The following SENP6 variants were observed in gnomAD, a reference collection of about 807,000 sequenced individuals.
SENP6 encodes the protein sentrin-specific protease 6.
SENP6 carries 41 observed loss-of-function variants against 134.5 expected under a neutral mutation model. The ratio of observed to expected loss-of-function variants is 0.30; its 90% CI spans 0.24 to 0.40. The LOEUF is 0.40. Among genes scored for constraint, SENP6 ranks in the 10% least tolerant of loss-of-function variants. The probability of loss-of-function intolerance (pLI) is 1.00; values close to 1 mark genes in which losing one functional copy is unlikely to be tolerated. For synonymous variants in SENP6, 395 were observed against 429.8 expected (o/e 0.92, Z 1.00); for missense variants, 1,248 against 1,312.5 (o/e 0.95, Z 0.76).
At chr6:75,675,397 G>T in intron 11 of SENP6, 38 bp from the exon 12 acceptor site, 2 of 1,190,350 alleles carry the variant, frequency 1.7e-6, no homozygotes, top group Non-Finnish European at 2.4e-6. Flanking sequence ...GCCTTTCTTT[G>T]TAAGTCTAGA....
chr6:75,651,283 C>A (rs1454330788), intron 7 of SENP6, among the ~76,000 whole-genome samples: 1 of 151,896 alleles, frequency 6.6e-6, no homozygotes, highest in Non-Finnish European at 1.5e-5. Flanking sequence ...TAATTATATT[C>A]TTCATGTAAT....
chr6:75,644,490 G>A (rs375800571), intron 6 of SENP6, among the ~76,000 whole-genome samples: 3 of 108,978 alleles, frequency 2.8e-5, no homozygotes, highest in Non-Finnish European at 6.0e-5. Context: ...TTTTTTTTTT[G>A]TTTTCTTTTT....
intron 1 of SENP6, among the ~76,000 whole-genome samples, chr6:75,614,094 G>A (rs1338331858): frequency 6.6e-6 from 1 of 152,044 alleles, no homozygotes; most frequent in Non-Finnish European, 1.5e-5. Flanking sequence ...GTCAGGTTAT[G>A]CATTTTTTAA....
chr6:75,640,649 G>C, intron 5 of SENP6, 35 bp from the exon 6 acceptor site: 1 of 1,472,280 alleles, frequency 6.8e-7, no homozygotes, highest in African/African-American at 1.4e-5. Context: ...ATGAGGTCTT[G>C]CCTCTTATAT....
At chr6:75,642,292 TA>T (rs1770089925) in intron 6 of SENP6, among the ~76,000 whole-genome samples, 1 of 152,216 alleles carries the variant, frequency 6.6e-6, no homozygotes, top group Non-Finnish European at 1.5e-5. Flanking sequence ...ACTGAACAAG[TA>T]AAACATGAAA....
intron 3 of SENP6, among the ~76,000 whole-genome samples, chr6:75,625,112 CTTTTTTTTTTT>C (rs34953351): frequency 8.9e-6 from 1 of 112,174 alleles, no homozygotes; most frequent in African/African-American, 3.4e-5. Context: ...TGTGTGTGTC[CTTTTTTTTTTT>C]TTTTTTTTCA....
At chr6:75,661,924 C>T (rs974752446) in intron 8 of SENP6, among the ~76,000 whole-genome samples, 3 of 152,130 alleles carry the variant, frequency 2.0e-5, no homozygotes, top group African/African-American at 4.8e-5. Flanking sequence ...TGGTGGTGGG[C>T]ACCTGTAGTC....
chr6:75,675,160 T>C (rs376496246), intron 11 of SENP6, among the ~76,000 whole-genome samples: 221 of 150,986 alleles, frequency 1.5e-3, no homozygotes, highest in African/African-American at 5.0e-3. Context: ...AACCTGCACA[T>C]GTACCCCTGA....
At chr6:75,614,522 T>G (rs1767706087) in intron 1 of SENP6, among the ~76,000 whole-genome samples, 2 of 152,146 alleles carry the variant, frequency 1.3e-5, no homozygotes, top group South Asian at 4.1e-4. Flanking sequence ...TGCCTTGGCC[T>G]CCCAAAGTGC....
At chr6:75,646,943 T>C (rs1433502707) in intron 6 of SENP6, 2 of 152,326 alleles carry the variant, frequency 1.3e-5, no homozygotes, top group Non-Finnish European at 2.9e-5. Flanking sequence ...TTTTGTAATA[T>C]AAGAATTTGA....
chr6:75,666,256 GAT>G (rs1047367037), intron 9 of SENP6, among the ~76,000 whole-genome samples: 1 of 145,048 alleles, frequency 6.9e-6, no homozygotes, highest in African/African-American at 2.5e-5. Flanking sequence ...ATATATATAC[GAT>G]ATATATAAAA....
At chr6:75,663,558 C>T (rs2783351) in intron 9 of SENP6, 40 bp downstream of exon 9, 520,812 of 1,443,108 alleles carry the variant, frequency 0.36, 98,340 homozygotes, top group Admixed American at 0.55. Flanking sequence ...TATATCAATC[C>T]AGTATTTTTC....
Position 75,666,823 on chromosome 6 carries a change from A to T in SENP6, c.1106A>T (p.Lys369Ile). ...ACSSPAPSTG[K>I]VEAALNENTC... The stretch of plus-strand genomic sequence containing the variant: ...TCTTCCCCTGCACCATCCACTGGAA[A>T]AGTAGAAGCAGCGCTAAATGAAAAT... Residue 369 changes from lysine (K) to isoleucine (I), a missense_variant, in exon 10 of 24, where the codon AAA (lysine) becomes ATA (isoleucine). Physicochemically the swap from Lys to Ile is moderately radical, Grantham distance 102. This residue lies in a region of SENP6 where 733 missense variants were observed against 725.4 expected (regional missense o/e 1.01). Transcript: ENST00000447266. 6.2e-7 allele frequency: 1 copy of T among 1,613,848 alleles called. No homozygotes were observed. The highest frequency in any genetic ancestry group is 8.5e-7 in the Non-Finnish European group (1 of 1,179,732).
chr6:75,697,414 C>T lies in SENP6; in HGVS notation c.2196-11C>T, dbSNP rs1008293744. The T allele has an allele frequency of 6.3e-7, 1 of 1,584,544 alleles. No homozygotes were observed. Among genetic ancestry groups the T allele is most frequent in the Non-Finnish European group, 8.6e-7 (1 of 1,158,358 alleles). ...TATTTCAGAAGCTTATAATTTATCT[C>T]TTTCTTACAGAATACAGCAAAAACG... On this transcript the variant is annotated splice_polypyrimidine_tract_variant and intron_variant, in intron 17 of 23. Transcript: ENST00000447266.
Position 75,634,699 on chromosome 6 carries a change from A to T in SENP6, c.354-8A>T. 1 of 1,492,542 alleles carries T rather than the reference A, an allele frequency of 6.7e-7. No homozygotes were observed. Among genetic ancestry groups the T allele is most frequent in the Non-Finnish European group, 9.1e-7 (1 of 1,101,484 alleles). The allele number at this position is 1,492,542 out of a possible 1,614,324, so 92.5% of individuals were successfully genotyped here. ...GTTCAAGTTATTTTTTGTTTCTTGA[A>T]TCTGCAGTGAAAATACGCAAAATAC... On this transcript the variant is annotated splice_polypyrimidine_tract_variant and splice_region_variant and intron_variant, in intron 4 of 23. Transcript: ENST00000447266.
chr6:75,610,375 C>A (rs1483921507), intron 1 of SENP6, among the ~76,000 whole-genome samples: 1 of 152,104 alleles, frequency 6.6e-6, no homozygotes. Flanking sequence ...AAGTTGTATA[C>A]CTAAGTCATA....
At chr6:75,674,464 G>A (rs746279334) in intron 11 of SENP6, among the ~76,000 whole-genome samples, 1 of 152,102 alleles carries the variant, frequency 6.6e-6, no homozygotes, top group Non-Finnish European at 1.5e-5. Context: ...TGGGATTACA[G>A]GCATGCATTA....
Position 75,663,407 on chromosome 6 carries a change from A to C in SENP6, c.883A>C (p.Lys295Gln). Residue 295 changes from lysine (K) to glutamine (Q), a missense_variant, in exon 9 of 24, where the codon AAA (lysine) becomes CAA (glutamine). Lys to Gln is a moderately conservative substitution (Grantham distance 53, BLOSUM62 1). Transcript: ENST00000447266. Reference sequence around the variant, plus strand: ...TATTATTGTGAATTGTGATGACAGTAAACACACTTATTTACAGACTAATGG... The same window carrying C: ...TATTATTGTGAATTGTGATGACAGTCAACACACTTATTTACAGACTAATGG... Reference protein sequence around the residue: ...IDIIVNCDDSKHTYLQTNGKV... With the variant: ...IDIIVNCDDSQHTYLQTNGKV... 1 of 1,613,772 alleles carries C rather than the reference A, an allele frequency of 6.2e-7. No individual in the cohort carries two copies. The highest frequency in any genetic ancestry group is 8.5e-7 in the Non-Finnish European group (1 of 1,179,786).
intron 5 of SENP6, among the ~76,000 whole-genome samples, chr6:75,638,588 GTGTATATATATATATATATA>G (rs1264248806): frequency 3.2e-5 from 1 of 31,048 alleles, no homozygotes; most frequent in African/African-American, 1.1e-4. Flanking sequence ...GTGTGTGTGT[GTGTATATATATATATATATA>G]TATATATATA....
Sources: allele counts gnomAD v4.1 joint callset (sites outside exome capture counted in the v4.1 genomes callset), GRCh38; gene constraint gnomAD v4.1.1; regional missense constraint gnomAD v4.1.1; transcripts MANE v1.5; gene names NCBI Gene and HGNC (gene_info 2026-07-23, HGNC 2026-07-21).